The following UACA variants were observed in gnomAD, a reference collection of about 807,000 sequenced individuals.
UACA encodes nuclear membrane binding protein.
UACA carries 112 observed loss-of-function variants against 160.5 expected under a neutral mutation model. That is an observed-to-expected ratio of 0.70 (90% CI 0.60 to 0.82). UACA has a LOEUF of 0.82. UACA is among the 40% of genes least tolerant of loss of function. The pLI is 0.00. For synonymous variants in UACA, 557 were observed against 568.4 expected, an observed-to-expected ratio of 0.98 and a Z score of 0.29; for missense variants, 1,574 against 1,614.6, an observed-to-expected ratio of 0.97 and a Z score of 0.43.
chr15:70,772,918 G>A, the UACA span, among the ~76,000 whole-genome samples: 4 of 151,928 alleles, frequency 2.6e-5, no homozygotes, highest in East Asian at 1.9e-4. Flanking sequence ...GTGAAACCCC[G>A]TCTCTACTAA....
In UACA at chr15:70,754,132, G is replaced by C. The variant is rs916134407; in HGVS notation, c.78+9198C>G. On this transcript the variant is annotated intron_variant, in intron 1 of 18. Transcript: ENST00000322954. ...ATATTTGGTTTTCTACAATGAACAT[G>C]TATGACTTTTGTGGGACAGTCATTT... The C allele has an allele frequency of 1.7e-4, 79 of 455,948 alleles. 1 individual carries two copies. Among genetic ancestry groups the C allele is most frequent in the African/African-American group, 1.5e-3 (73 of 50,166 alleles). 28.2% of individuals were successfully genotyped at this position (455,948 alleles called of 1,614,324 possible).
chr15:70,668,465 AT>A lies in UACA; in HGVS notation c.2218del (p.Met740Ter). The part of the protein sequence containing the change: ...KEQAHNLTIE[M>X]KNHYVPLKVS... ...TTTTAAAGGAACATAATGATTTTTC[AT>A]TTCAATTGTTAAGTTATGTGCTTGC... On this transcript the variant is annotated frameshift_variant, in exon 16 of 19. Coordinates refer to ENST00000322954, the MANE Select transcript of UACA (RefSeq NM_018003.4). LOFTEE classifies it high-confidence loss of function. 1.9e-6 allele frequency: 3 copies of A among 1,612,092 alleles called. No individual in the cohort carries two copies. The South Asian group carries it at 3.3e-5, about 18-fold the overall frequency.
At chr15:70,686,146 T>TA (rs1897707972) in intron 7 of UACA, among the ~76,000 whole-genome samples, 1 of 151,894 alleles carries the variant, frequency 6.6e-6, no homozygotes, top group African/African-American at 2.4e-5. Context: ...TTTTTTTTTT[T>TA]TAATATTTAA....
chr15:70,683,359 TAA>T (rs779990232), intron 8 of UACA, among the ~76,000 whole-genome samples: 2 of 149,996 alleles, frequency 1.3e-5, no homozygotes, highest in Non-Finnish European at 3.0e-5. Context: ...ACCCCATATC[TAA>T]AAAAAAAGAG....
chr15:70,690,228 C>T (rs764625606), intron 5 of UACA, among the ~76,000 whole-genome samples: 8 of 151,836 alleles, frequency 5.3e-5, no homozygotes, highest in Non-Finnish European at 8.8e-5. Context: ...AGTTTATCTA[C>T]CTTTGTACCT....
chr15:70,756,258 C>T (rs912704872), intron 1 of UACA, among the ~76,000 whole-genome samples: 20 of 151,854 alleles, frequency 1.3e-4, no homozygotes, highest in Non-Finnish European at 2.2e-4. Context: ...CCTCCGCCTC[C>T]CAGGTTCAAG....
Position 70,687,403 on chromosome 15 carries a change from C to A in UACA, c.602+137G>T, listed in dbSNP as rs1897762939. On this transcript the variant is annotated intron_variant, in intron 7 of 18. Coordinates refer to ENST00000322954, the MANE Select transcript of UACA (RefSeq NM_018003.4). ...AAAACTGACAAGTAGATGTTAATTC[C>A]AAGGAAAAGCAAGCCAGGGAAGGGG... 7.0e-6 allele frequency: 5 copies of A among 710,236 alleles called. No individual in the cohort carries two copies. In the South Asian group the frequency reaches 7.3e-5, roughly 10 times the overall value. 44.0% of individuals were successfully genotyped at this position (710,236 alleles called of 1,614,324 possible).
intron 1 of UACA, 75 bp from the exon 2 acceptor site, chr15:70,699,735 A>C: frequency 1.3e-6 from 2 of 1,542,234 alleles, no homozygotes; most frequent in Non-Finnish European, 1.8e-6. Flanking sequence ...GAAAAAAGAG[A>C]GAAAGGAAAG....
intron 18 of UACA, among the ~76,000 whole-genome samples, chr15:70,657,428 T>C: frequency 6.6e-6 from 1 of 151,340 alleles, no homozygotes; most frequent in Non-Finnish European, 1.5e-5. Context: ...CTGGCCAACA[T>C]GGCGAAACCC....
upstream of UACA, among the ~76,000 whole-genome samples, chr15:70,766,867 G>A (rs1054252909): frequency 4.6e-5 from 7 of 152,166 alleles, no homozygotes; most frequent in South Asian, 2.1e-4. Flanking sequence ...GAACACAGTC[G>A]ACAGATGCTC....
At chr15:70,674,786 C>T (rs1201933424) in intron 13 of UACA, among the ~76,000 whole-genome samples, 10 of 152,068 alleles carry the variant, frequency 6.6e-5, no homozygotes, top group Non-Finnish European at 1.2e-4. Flanking sequence ...TTCGTAAAGA[C>T]GGAGTTTTGC....
At chr15:70,703,452 A>G (rs559211012) in intron 1 of UACA, among the ~76,000 whole-genome samples, 5 of 152,320 alleles carry the variant, frequency 3.3e-5, no homozygotes, top group Admixed American at 6.5e-5. Flanking sequence ...GTCATATACC[A>G]TATCTCATTT....
chr15:70,763,283 G>A (rs1216108692), intron 1 of UACA, 47 bp downstream of exon 1: 32 of 1,313,380 alleles, frequency 2.4e-5, no homozygotes, highest in African/African-American at 1.5e-4. Flanking sequence ...GGAGGGCTGC[G>A]CTGCTCCCGG....
chr15:70,670,899 G>T, intron 15 of UACA, 140 bp downstream of exon 15: 1 of 428,312 alleles, frequency 2.3e-6, no homozygotes, highest in Non-Finnish European at 4.2e-6. Flanking sequence ...CAAGAAAGCA[G>T]GACCAACTTG....
intron 7 of UACA, among the ~76,000 whole-genome samples, chr15:70,684,732 C>A (rs185600387): frequency 5.8e-4 from 87 of 150,230 alleles, no homozygotes; most frequent in African/African-American, 2.0e-3. Context: ...TACTTGAACA[C>A]TTACTTGAAC....
chr15:70,669,159 A>C lies in UACA; in HGVS notation c.1525T>G (p.Ser509Ala). 6.2e-7 allele frequency: 1 copy of C among 1,613,920 alleles called. No homozygotes were observed. The highest frequency in any genetic ancestry group is 8.5e-7 in the Non-Finnish European group (1 of 1,180,010). The change falls in exon 16 of 19, where the codon TCA becomes GCA. Residue 509 changes from serine (S) to alanine (A), a missense_variant. Coordinates refer to ENST00000322954, the MANE Select transcript of UACA (RefSeq NM_018003.4). ...TGCATTTGTTTAACTTTACCTTCTGACTCATACATCCTCTTCTGCACATCT... is the reference window on the plus strand; with the variant it reads ...TGCATTTGTTTAACTTTACCTTCTGCCTCATACATCCTCTTCTGCACATCT... ...LKDVQKRMYE[S>A]EGKVKQMQTH...
intron 1 of UACA, among the ~76,000 whole-genome samples, chr15:70,706,310 T>A (rs1196630915): frequency 1.3e-5 from 2 of 151,932 alleles, no homozygotes; most frequent in Non-Finnish European, 2.9e-5. Flanking sequence ...AAAAGCCCAC[T>A]GCTAACATTA....
intron 1 of UACA, among the ~76,000 whole-genome samples, chr15:70,717,167 G>C (rs1898845649): frequency 6.7e-6 from 1 of 149,604 alleles, no homozygotes; most frequent in Non-Finnish European, 1.5e-5. Context: ...GTTGCGGTGA[G>C]CCGAGATCAC....
chr15:70,676,336 C>A, intron 13 of UACA, 157 bp downstream of exon 13: 1 of 543,272 alleles, frequency 1.8e-6, no homozygotes. Flanking sequence ...GACAATCACC[C>A]CAGTTTTGCC....
Sources: allele counts gnomAD v4.1 joint callset (sites outside exome capture counted in the v4.1 genomes callset), GRCh38; gene constraint gnomAD v4.1.1; transcripts MANE v1.5; gene names NCBI Gene and HGNC (gene_info 2026-07-23, HGNC 2026-07-21).